The following TRIP12 variants were observed in gnomAD, a reference collection of about 807,000 sequenced individuals.
The protein encoded by TRIP12 is E3 ubiquitin-protein ligase TRIP12.
A neutral mutation model predicts 244.2 loss-of-function variants in TRIP12; 25 were observed. That is an observed-to-expected ratio of 0.10 (90% CI 0.07 to 0.14). The LOEUF (loss-of-function observed/expected upper bound fraction) is 0.14, where lower values mean the gene tolerates loss of function less well. Ranked by LOEUF, TRIP12 falls within the 10% of genes least tolerant of loss-of-function variation. The pLI is 1.00. For missense variants in TRIP12, 1,677 were observed against 2,486.4 expected, an observed-to-expected ratio of 0.67 and a Z score of 6.92; for synonymous variants, 905 against 873.1, an observed-to-expected ratio of 1.04 and a Z score of -0.64.
At chr2:229,877,396 G>A (rs1051327351) in intron 2 of TRIP12, among the ~76,000 whole-genome samples, 10 of 152,154 alleles carry the variant, frequency 6.6e-5, no homozygotes, top group African/African-American at 1.9e-4. Flanking sequence ...CGGGCAAGGT[G>A]GCAGGCGCCT....
chr2:229,886,166 T>C (rs565294819), intron 1 of TRIP12, among the ~76,000 whole-genome samples: 1 of 152,286 alleles, frequency 6.6e-6, no homozygotes, highest in South Asian at 2.1e-4. Flanking sequence ...TTTTGTATGG[T>C]ATATTCGTAA....
At chr2:229,836,545 C>T (rs1374363541) in intron 6 of TRIP12, among the ~76,000 whole-genome samples, 2 of 152,172 alleles carry the variant, frequency 1.3e-5, no homozygotes, top group African/African-American at 2.4e-5. Flanking sequence ...TATATCCTTA[C>T]ATTTTTACTA....
chr2:229,835,228 A>AT (rs1249260695), intron 6 of TRIP12, among the ~76,000 whole-genome samples: 2 of 152,298 alleles, frequency 1.3e-5, no homozygotes, highest in East Asian at 1.9e-4. Flanking sequence ...TGCCACATGT[A>AT]TTTTTTATCA....
intron 1 of TRIP12, among the ~76,000 whole-genome samples, chr2:229,884,236 CTTTTT>C (rs200052292): frequency 4.9e-5 from 6 of 123,602 alleles, no homozygotes; most frequent in African/African-American, 1.5e-4. Flanking sequence ...TTTTTCTTTT[CTTTTT>C]TTTTTTTTTT....
In TRIP12 at chr2:229,791,112, C is replaced by A. The variant is rs1222219820; in HGVS notation, c.4543+12G>T. ...GTTGGCAATCCATTTTCCCCTTTAT[C>A]TACCATCTTACCGTGCCATAACTCA... On this transcript the variant is annotated intron_variant, in intron 30 of 41. Coordinates refer to ENST00000675903, the MANE Select transcript of TRIP12 (RefSeq NM_001348323.3). The A allele has an allele frequency of 6.2e-7, 1 of 1,613,780 alleles. No individual in the cohort carries two copies. The highest frequency in any genetic ancestry group is 8.5e-7 in the Non-Finnish European group (1 of 1,179,834).
At chr2:229,796,838 C>T (rs1327202242) in intron 24 of TRIP12, 56 bp from the exon 25 acceptor site, 17 of 1,432,086 alleles carry the variant, frequency 1.2e-5, no homozygotes, top group East Asian at 4.7e-5. Flanking sequence ...TTAAAAAATA[C>T]ACAACTCACA....
chr2:229,787,561 T>C lies in TRIP12; in HGVS notation c.4939A>G (p.Ile1647Val). The C allele has an allele frequency of 2.5e-6, 4 of 1,614,060 alleles. No homozygotes were observed. Among genetic ancestry groups the C allele is most frequent in the South Asian group, 2.2e-5 (2 of 91,040 alleles). ...CTATCTTGAGAATCAGACTGGTTGA[T>C]TTCTGGGTTGGTATCAAGTAATCTT... ...MQRLLDTNPE[I>V]NQSDSQDSRV... Residue 1647 changes from isoleucine (I) to valine (V), a missense_variant, in exon 33 of 42, where the codon ATC (isoleucine) becomes GTC (valine). This residue lies in a region of TRIP12 where 30 missense variants were observed against 64.7 expected (regional missense o/e 0.46). Coordinates refer to ENST00000675903, the MANE Select transcript of TRIP12 (RefSeq NM_001348323.3).
chr2:229,840,289 GA>G (rs2056068598), intron 5 of TRIP12, among the ~76,000 whole-genome samples: 1 of 152,142 alleles, frequency 6.6e-6, no homozygotes, highest in South Asian at 2.1e-4. Flanking sequence ...GTATCGTCAA[GA>G]AATAGAATGA....
At chr2:229,826,947 A>AT (rs1311870796) in intron 8 of TRIP12, among the ~76,000 whole-genome samples, 2 of 152,184 alleles carry the variant, frequency 1.3e-5, no homozygotes, top group Non-Finnish European at 2.9e-5. Flanking sequence ...TGTAAACTGT[A>AT]TATTTATGTA....
At chr2:229,837,498 G>A (rs1420057520) in intron 5 of TRIP12, among the ~76,000 whole-genome samples, 1 of 152,100 alleles carries the variant, frequency 6.6e-6, no homozygotes, top group Non-Finnish European at 1.5e-5. Context: ...AGCCAGGTGT[G>A]GTGGCATGCG....
chr2:229,880,033 G>A lies in TRIP12; in HGVS notation c.47C>T (p.Ser16Leu). 6.2e-7 allele frequency: 1 copy of A among 1,614,100 alleles called. No homozygotes were observed. The highest frequency in any genetic ancestry group is 8.5e-7 in the Non-Finnish European group (1 of 1,180,020). Residue 16 changes from serine to leucine, a missense_variant, in exon 2 of 42, where the codon TCA becomes TTA. Physicochemically the swap from Ser to Leu is moderately radical, Grantham distance 145. Coordinates refer to ENST00000675903, the MANE Select transcript of TRIP12 (RefSeq NM_001348323.3). The part of the protein sequence containing the change: ...NNNPGGSLRR[S>L]QRNTAGAQPQ... ...TTGGGCCCCGGCAGTGTTCCTCTGT[G>A]AACGTCGCAGTGACCCCCCTGGATT...
chr2:229,779,332 G>C (rs2037316796), intron 34 of TRIP12, among the ~76,000 whole-genome samples: 2 of 152,142 alleles, frequency 1.3e-5, no homozygotes, highest in Admixed American at 6.5e-5. Flanking sequence ...TTAGTGAACT[G>C]TTACCCCAAA....
intron 1 of TRIP12, among the ~76,000 whole-genome samples, chr2:229,898,517 A>T (rs2069566570): frequency 6.6e-6 from 1 of 152,248 alleles, no homozygotes; most frequent in Non-Finnish European, 1.5e-5. Context: ...TTAGAACTCC[A>T]GTCGCCTGAC....
intron 1 of TRIP12, among the ~76,000 whole-genome samples, chr2:229,905,710 A>G (rs1164042326): frequency 1.3e-5 from 2 of 152,224 alleles, no homozygotes; most frequent in South Asian, 2.1e-4. Flanking sequence ...TCTAGAAAGT[A>G]GTTTTGCAAC....
intron 19 of TRIP12, 99 bp downstream of exon 19, chr2:229,803,900 T>C: frequency 8.9e-7 from 1 of 1,126,770 alleles, no homozygotes; most frequent in East Asian, 2.6e-5. Flanking sequence ...TCCTAACAAA[T>C]TTTTGTGCAT....
chr2:229,794,845 A>C (rs2042414497), intron 26 of TRIP12: 1 of 164,702 alleles, frequency 6.1e-6, no homozygotes, highest in Non-Finnish European at 1.3e-5. Flanking sequence ...ACAGCCACAA[A>C]AAATTTTTTA....
intron 34 of TRIP12, among the ~76,000 whole-genome samples, chr2:229,781,980 A>G (rs2038327072): frequency 6.6e-6 from 1 of 152,150 alleles, no homozygotes; most frequent in South Asian, 2.1e-4. Context: ...ACCTGTGTGA[A>G]GACATTTTGA....
At chr2:229,802,530 A>G in intron 20 of TRIP12, 71 bp from the exon 21 acceptor site, 1 of 1,168,536 alleles carries the variant, frequency 8.6e-7, no homozygotes, top group Non-Finnish European at 1.2e-6. Context: ...CCATTACAAA[A>G]TCCCTAAATA....
chr2:229,792,131 T>G, intron 28 of TRIP12, 22 bp downstream of exon 28: 1 of 1,614,070 alleles, frequency 6.2e-7, no homozygotes, highest in African/African-American at 1.3e-5. Context: ...ACATTATACA[T>G]GGTGGGAATA....
Sources: allele counts gnomAD v4.1 joint callset (sites outside exome capture counted in the v4.1 genomes callset), GRCh38; gene constraint gnomAD v4.1.1; regional missense constraint gnomAD v4.1.1; transcripts MANE v1.5; gene names NCBI Gene and HGNC (gene_info 2026-07-23, HGNC 2026-07-21).